TRPM1: variants seen among roughly 807,000 people sequenced by gnomAD.
TRPM1 encodes transient receptor potential cation channel subfamily M member 1.
A neutral mutation model predicts 149.4 loss-of-function variants in TRPM1; 113 were observed. That is an observed-to-expected ratio of 0.76 (90% CI 0.65 to 0.88). TRPM1 has a LOEUF of 0.88. TRPM1 is among the 40% of genes least tolerant of loss of function. The pLI is 0.00. For missense variants in TRPM1, 1,976 were observed against 2,038.7 expected (o/e 0.97, Z 0.59); for synonymous variants, 741 against 759.5 (o/e 0.98, Z 0.40).
At chr15:31,046,739 C>T (rs1007297486) in intron 15 of TRPM1, among the ~76,000 whole-genome samples, 10 of 152,166 alleles carry the variant, frequency 6.6e-5, no homozygotes, top group African/African-American at 2.4e-4. Flanking sequence ...TACGATTCTC[C>T]AGGCAGTGAG....
chr15:31,119,734 A>C (rs2035851828), intron 1 of TRPM1, among the ~76,000 whole-genome samples: 1 of 152,186 alleles, frequency 6.6e-6, no homozygotes, highest in South Asian at 2.1e-4. Flanking sequence ...CAGGAGTGTA[A>C]AATTGGAAAT....
intron 7 of TRPM1, among the ~76,000 whole-genome samples, chr15:31,065,591 C>T (rs2034351290): frequency 6.6e-6 from 1 of 152,100 alleles, no homozygotes; most frequent in South Asian, 2.1e-4. Context: ...AGGATGATGC[C>T]CCTTCAGGAG....
At chr15:31,105,870 T>C (rs1486623408), upstream of TRPM1, among the ~76,000 whole-genome samples, 1 of 152,222 alleles carries the variant, frequency 6.6e-6, no homozygotes, top group African/African-American at 2.4e-5. Context: ...CTGAGAATTA[T>C]TATGTGTCTA....
chr15:31,017,977 A>T (rs1566990933), intron 27 of TRPM1, among the ~76,000 whole-genome samples: 1 of 152,212 alleles, frequency 6.6e-6, no homozygotes, highest in Non-Finnish European at 1.5e-5. Flanking sequence ...GAAGGACTGA[A>T]ACATCTGGAG....
chr15:31,135,283 A>G (rs1490474130), intron 1 of TRPM1, among the ~76,000 whole-genome samples: 1 of 152,190 alleles, frequency 6.6e-6, no homozygotes, highest in Non-Finnish European at 1.5e-5. Flanking sequence ...AAGGTTACAC[A>G]CCACCATAGC....
intron 18 of TRPM1, 128 bp from the exon 19 acceptor site, chr15:31,038,294 G>T: frequency 1.9e-6 from 2 of 1,079,564 alleles, no homozygotes; most frequent in Non-Finnish European, 2.7e-6. Context: ...GTTATCCCTG[G>T]TCTGACGTTC....
At chr15:31,070,414 C>G in intron 3 of TRPM1, 188 bp from the exon 4 acceptor site, 1 of 713,144 alleles carries the variant, frequency 1.4e-6, no homozygotes, top group Non-Finnish European at 2.5e-6. Flanking sequence ...CAGTGCACAT[C>G]TCTTTATATG....
Position 31,067,923 on chromosome 15 carries a change from G to A in TRPM1, c.449C>T (p.Ala150Val), listed in dbSNP as rs771506848. ...GAAGATCCAGGCCCCGGTGGTCATA[G>A]CAGCCTTGATCAGGCCTTTCCCAAA... ...QVFGKGLIKA[A>V]MTTGAWIFTG... The change falls in exon 5 of 28, where the codon GCT becomes GTT. Residue 150 changes from alanine (A) to valine (V), a missense_variant. This residue lies in a region of TRPM1 where 1,332 missense variants were observed against 1,347.1 expected (regional missense o/e 0.99). Transcript: ENST00000256552. The A allele has an allele frequency of 5.0e-6, 8 of 1,613,930 alleles. No individual in the cohort carries two copies. Among genetic ancestry groups the A allele is most frequent in the Non-Finnish European group, 6.8e-6 (8 of 1,180,028 alleles).
chr15:31,031,290 C>G, intron 22 of TRPM1, 133 bp from the exon 23 acceptor site: 1 of 965,110 alleles, frequency 1.0e-6, no homozygotes, highest in Non-Finnish European at 1.6e-6. Flanking sequence ...CTTTCCCTTC[C>G]TTTCTTCCCA....
At chr15:31,049,676 T>G (rs193013873) in intron 12 of TRPM1, among the ~76,000 whole-genome samples, 167 bp from the exon 13 acceptor site, 26 of 152,336 alleles carry the variant, frequency 1.7e-4, no homozygotes, top group Admixed American at 5.9e-4. Flanking sequence ...ATCTCCCCTC[T>G]CCTTTCTTCT....
At chr15:31,131,587 C>T (rs898321586) in intron 1 of TRPM1, among the ~76,000 whole-genome samples, 1 of 152,218 alleles carries the variant, frequency 6.6e-6, no homozygotes, top group Non-Finnish European at 1.5e-5. Context: ...GATTGACAGC[C>T]ATCAGGTTCA....
chr15:31,137,544 G>A (rs1174319795), intron 1 of TRPM1, among the ~76,000 whole-genome samples: 3 of 152,096 alleles, frequency 2.0e-5, no homozygotes, highest in Non-Finnish European at 2.9e-5. Context: ...GGGAGAATGG[G>A]ATTATTATTC....
At chr15:31,155,895 G>A (rs1241692751) in intron 1 of TRPM1, among the ~76,000 whole-genome samples, 1 of 152,054 alleles carries the variant, frequency 6.6e-6, no homozygotes, top group Non-Finnish European at 1.5e-5. Context: ...AACATCACAT[G>A]ACAGATAAAG....
At chr15:31,041,500 A>G (rs2033617021) in intron 17 of TRPM1, among the ~76,000 whole-genome samples, 3 of 152,046 alleles carry the variant, frequency 2.0e-5, no homozygotes, top group African/African-American at 7.2e-5. Context: ...TCAGAGCCTG[A>G]CTGACCCAGG....
intron 1 of TRPM1, among the ~76,000 whole-genome samples, chr15:31,143,304 A>T (rs73377629): frequency 0.039 from 5,976 of 152,324 alleles, 387 homozygotes; most frequent in African/African-American, 0.14. Context: ...ATGAAGCTGA[A>T]TGAACTGATG....
chr15:31,023,849 A>G (rs1054560247), intron 27 of TRPM1, among the ~76,000 whole-genome samples: 2 of 152,230 alleles, frequency 1.3e-5, no homozygotes, highest in African/African-American at 4.8e-5. Flanking sequence ...TCATTGCAGG[A>G]CTGAATGTTG....
chr15:31,052,549 T>C (rs1163952076), intron 11 of TRPM1, among the ~76,000 whole-genome samples: 3 of 152,182 alleles, frequency 2.0e-5, no homozygotes, highest in Non-Finnish European at 2.9e-5. Flanking sequence ...CCGAGGCAGA[T>C]GGATCACCTG....
intron 1 of TRPM1, among the ~76,000 whole-genome samples, chr15:31,130,689 C>G (rs1194095115): frequency 6.6e-6 from 1 of 152,150 alleles, no homozygotes; most frequent in African/African-American, 2.4e-5. Flanking sequence ...TGGTGGTAAT[C>G]AGGTTCATCT....
At chr15:31,076,100 A>G (rs1429083250) in intron 3 of TRPM1, among the ~76,000 whole-genome samples, 2 of 149,142 alleles carry the variant, frequency 1.3e-5, no homozygotes, top group South Asian at 4.3e-4. Context: ...GACCGTTGGC[A>G]TTGTTTCATA....
Sources: gnomAD v4.1 joint callset for allele counts (sites outside exome capture counted in the v4.1 genomes callset) on GRCh38, gnomAD v4.1.1 for gene constraint, gnomAD v4.1.1 regional missense constraint, MANE v1.5 for transcripts, NCBI Gene and HGNC (gene_info 2026-07-23, HGNC 2026-07-21) for gene names.